The following LARGE1 variants were observed in gnomAD, a reference collection of about 807,000 sequenced individuals.
LARGE1 encodes xylosyl- and glucuronyltransferase LARGE1.
In LARGE1, 43 loss-of-function variants were observed where a neutral mutation model predicts 87.6. The observed-to-expected ratio is 0.49, with a 90% CI of 0.38 to 0.63. LARGE1 has a LOEUF of 0.63. Ranked by LOEUF, LARGE1 falls within the 30% of genes least tolerant of loss-of-function variation. The pLI is 0.00. For missense variants in LARGE1, 802 were observed against 1,000.2 expected, an observed-to-expected ratio of 0.80 and a Z score of 2.67; for synonymous variants, 434 against 394.6, an observed-to-expected ratio of 1.10 and a Z score of -1.18.
intron 13 of LARGE1, among the ~76,000 whole-genome samples, chr22:33,282,955 C>T (rs571052698): frequency 4.6e-5 from 7 of 152,206 alleles, no homozygotes; most frequent in Admixed American, 6.5e-5. Context: ...ACCCTCCAAA[C>T]ATGCCTACCC....
At chr22:33,353,916 G>A (rs1223957133) in intron 9 of LARGE1, among the ~76,000 whole-genome samples, 1 of 152,206 alleles carries the variant, frequency 6.6e-6, no homozygotes, top group African/African-American at 2.4e-5. Flanking sequence ...GCTGCTAGAT[G>A]CCATTGATTT....
In LARGE1 at chr22:33,860,274, G is replaced by A. The variant is rs547782495; in HGVS notation, c.-83+59721C>T. On this transcript the variant is annotated intron_variant, in intron 1 of 14. Coordinates refer to ENST00000397394, the MANE Select transcript of LARGE1 (RefSeq NM_133642.5). ...CCCAAAGTGTTAGGATTACAGGCGT[G>A]AGCCACGATGCCTGGCCTTTTTTGA... 2.6e-5 allele frequency among the ~76,000 whole-genome samples: 4 copies of A among 152,200 alleles called. No individual in the cohort carries two copies. In the South Asian group the frequency reaches 8.3e-4, roughly 32 times the overall value.
At chr22:33,284,397 T>A (rs1000124358) in intron 12 of LARGE1, among the ~76,000 whole-genome samples, 1 of 152,154 alleles carries the variant, frequency 6.6e-6, no homozygotes, top group African/African-American at 2.4e-5. Flanking sequence ...AGAGCTCTGG[T>A]ATCTCCCTAA....
intron 2 of LARGE1, among the ~76,000 whole-genome samples, chr22:33,708,000 A>T (rs1437797582): frequency 6.6e-6 from 1 of 152,126 alleles, no homozygotes; most frequent in Non-Finnish European, 1.5e-5. Flanking sequence ...CCAGGGCCTT[A>T]GAGAGGATGA....
At chr22:33,241,293 C>T (rs775707396) in intron 11 of LARGE1, among the ~76,000 whole-genome samples, 2 of 152,130 alleles carry the variant, frequency 1.3e-5, no homozygotes, top group South Asian at 2.1e-4. Flanking sequence ...CAGGCACACA[C>T]CATTAGCTTA....
rs926695437 is a variant in LARGE1, at chr22:33,273,423, G to C, written c.*1004C>G. ...TGAATCTTCAGAACTGGGCTTTCAT[G>C]AATTATGAAAGTTCTTCGAAAGGCC... is the stretch of plus-strand genomic sequence containing the variant. On this transcript the variant is annotated 3_prime_UTR_variant, in exon 15 of 15. Transcript: ENST00000397394. 3 of 398,554 alleles carry C rather than the reference G, an allele frequency of 7.5e-6. No individual in the cohort carries two copies. In the South Asian group the frequency reaches 3.8e-4, roughly 51 times the overall value. 24.7% of individuals were successfully genotyped at this position (398,554 alleles called of 1,614,324 possible). A position where few individuals can be genotyped will look rare whatever the true frequency, so the allele number is the denominator to read the frequency against.
At chr22:33,371,496 C>A (rs1330877986) in intron 9 of LARGE1, among the ~76,000 whole-genome samples, 1 of 152,142 alleles carries the variant, frequency 6.6e-6, no homozygotes, top group Non-Finnish European at 1.5e-5. Flanking sequence ...ACAGTTGTAG[C>A]TTCTGAGTTA....
At chr22:33,759,067 C>T (rs1312912829) in intron 2 of LARGE1, among the ~76,000 whole-genome samples, 1 of 152,144 alleles carries the variant, frequency 6.6e-6, no homozygotes, top group Non-Finnish European at 1.5e-5. Context: ...CTGAAACTTC[C>T]TCTATGTAGA....
rs530093940 is a variant in LARGE1 at position 33,798,519 on chromosome 22, C to G, written c.-82-36961G>C. Among the ~76,000 whole-genome samples, 158 of 152,332 alleles carry G rather than the reference C, an allele frequency of 1.0e-3. 1 individual carries two copies. Among genetic ancestry groups the G allele is most frequent in the Middle Eastern group, 0.01 (3 of 294 alleles). ...GGAGAGCTGACAGAAGGAGCAACCA[C>G]TGGAGTGCTCACTGGATGACCACAT... is the stretch of plus-strand genomic sequence containing the variant. On this transcript the variant is annotated intron_variant, in intron 1 of 14. Coordinates refer to ENST00000397394, the MANE Select transcript of LARGE1 (RefSeq NM_133642.5).
intron 1 of LARGE1, among the ~76,000 whole-genome samples, chr22:33,822,511 C>CTCTACTA (rs1164695728): frequency 2.6e-5 from 4 of 152,150 alleles, no homozygotes; most frequent in Non-Finnish European, 5.9e-5. Context: ...CCAGCCTGGC[C>CTCTACTA]AACATGGTGA....
chr22:33,772,959 G>C (rs1270913389), intron 1 of LARGE1, among the ~76,000 whole-genome samples: 4 of 152,166 alleles, frequency 2.6e-5, no homozygotes, highest in Non-Finnish European at 5.9e-5. Context: ...CCAGCAACTA[G>C]CTGTCTGACT....
rs374096559 is a variant in LARGE1 at position 33,624,399 on chromosome 22, C to G, written c.491+1845G>C. 7.9e-5 allele frequency among the ~76,000 whole-genome samples: 12 copies of G among 152,212 alleles called. No homozygotes were observed. The East Asian group carries it at 9.7e-4, about 12-fold the overall frequency. On this transcript the variant is annotated intron_variant, in intron 4 of 14. Transcript: ENST00000397394. ...AAAGAAGCACAGGGGGTATTGTGGG[C>G]TGGTAGACGAGAAACCCCAACACAG...
At chr22:33,305,530 A>G (rs1387645117) in intron 11 of LARGE1, 1 of 960,874 alleles carries the variant, frequency 1.0e-6, no homozygotes, top group Non-Finnish European at 1.2e-6. Flanking sequence ...GTTTTTCCTT[A>G]CCCAGCAAGA....
chr22:33,212,887 G>A (rs897767628), intron 11 of LARGE1, among the ~76,000 whole-genome samples: 2 of 152,038 alleles, frequency 1.3e-5, no homozygotes, highest in Admixed American at 1.3e-4. Flanking sequence ...GCGTGGTGGT[G>A]GGCACCTGTA....
chr22:33,561,690 G>C (rs1029391447), intron 6 of LARGE1, among the ~76,000 whole-genome samples: 1 of 152,210 alleles, frequency 6.6e-6, no homozygotes, highest in African/African-American at 2.4e-5. Context: ...TGGTATGTCT[G>C]ATTCTTTCTG....
chr22:33,269,172 A>G (rs192187041), downstream of LARGE1, among the ~76,000 whole-genome samples: 1 of 152,250 alleles, frequency 6.6e-6, no homozygotes, highest in Admixed American at 6.5e-5. Flanking sequence ...GAAAAAAACT[A>G]TGAAGAGTAT....
chr22:33,218,181 C>T (rs894995506), intron 11 of LARGE1, among the ~76,000 whole-genome samples: 3 of 152,098 alleles, frequency 2.0e-5, no homozygotes, highest in Admixed American at 1.3e-4. Flanking sequence ...CCTCCCACCT[C>T]GGCCTCCCAA....
intron 4 of LARGE1, among the ~76,000 whole-genome samples, chr22:33,615,621 G>T (rs2079558716): frequency 6.8e-6 from 1 of 147,466 alleles, no homozygotes; most frequent in Non-Finnish European, 1.5e-5. Flanking sequence ...CCTGATCTCA[G>T]ACTGCCCCAA....
In LARGE1 at chr22:33,282,571, G is replaced by C. The variant is rs763514262; in HGVS notation, c.1877+631C>G. Among the ~76,000 whole-genome samples, 5 of 152,146 alleles carry C rather than the reference G, an allele frequency of 3.3e-5. No homozygotes were observed. The East Asian group carries it at 5.8e-4, about 18-fold the overall frequency. On this transcript the variant is annotated intron_variant, in intron 13 of 14. Transcript: ENST00000397394. The stretch of plus-strand genomic sequence containing the variant: ...GGGACACTGGGGACAGGTGACAGGG[G>C]AGCTCCCTTGCAATGTTCCTGCAGG...
Sources: allele counts gnomAD v4.1 joint callset (sites outside exome capture counted in the v4.1 genomes callset), GRCh38; gene constraint gnomAD v4.1.1; transcripts MANE v1.5; gene names NCBI Gene and HGNC (gene_info 2026-07-23, HGNC 2026-07-21).